The following ZNF559 variants were observed in gnomAD, a reference collection of about 807,000 sequenced individuals.
The protein encoded by ZNF559 is zinc finger protein 559.
In ZNF559, 17 loss-of-function variants were observed where a neutral mutation model predicts 14.2. The observed-to-expected ratio is 1.20, with a 90% CI of 0.82 to 1.80. The LOEUF is 1.80. Ranked by LOEUF, ZNF559 falls within the 40% of genes most tolerant of loss-of-function variation. ZNF559 has a pLI of 0.00. For synonymous variants in ZNF559, 244 were observed against 212.4 expected (o/e 1.15, Z -1.29); for missense variants, 740 against 629.7 (o/e 1.18, Z -1.88).
intron 5 of ZNF559, 25 bp from the exon 6 acceptor site, chr19:9,341,077 T>TA: frequency 1.3e-6 from 2 of 1,570,592 alleles, no homozygotes; most frequent in Non-Finnish European, 1.7e-6. Flanking sequence ...TCTAAGAACT[T>TA]AAAATTTTTT....
intron 2 of ZNF559, among the ~76,000 whole-genome samples, chr19:9,334,786 A>G (rs2067137045): frequency 6.6e-6 from 1 of 152,216 alleles, no homozygotes; most frequent in Non-Finnish European, 1.5e-5. Flanking sequence ...TTTAATGGGA[A>G]AAAAAGTAAA....
intron 2 of ZNF559, among the ~76,000 whole-genome samples, chr19:9,325,449 A>G (rs1683944718): frequency 6.6e-6 from 1 of 150,962 alleles, no homozygotes. Context: ...TTCAAAAAGA[A>G]GAAAAAAAAA....
intron 3 of ZNF559, 119 bp downstream of exon 3, chr19:9,337,977 T>G: frequency 1.3e-6 from 2 of 1,536,144 alleles, no homozygotes; most frequent in Non-Finnish European, 1.7e-6. Flanking sequence ...CATTTCACTG[T>G]TAGACTCACA....
upstream of ZNF559, chr19:9,324,091 C>G (rs558305763): frequency 3.5e-3 from 5,086 of 1,465,898 alleles, 21 homozygotes; most frequent in Non-Finnish European, 4.2e-3. Flanking sequence ...TGGAAAAAGC[C>G]GCAGCAGCTG....
rs533085137 is a variant in ZNF559, at chr19:9,341,913, A to G, written c.462A>G (p.Thr154=). Residue 154 remains threonine, a synonymous_variant, in exon 7 of 7, where the codon ACA becomes ACG. Coordinates refer to ENST00000603380, the MANE Select transcript of ZNF559 (RefSeq NM_032497.3). ...TTCCTAACTGTAATCAATGTGAAAC[A>G]GCCTTCAGCCAACATCTACATCTTG... is the stretch of plus-strand genomic sequence containing the variant. ...EELPNCNQCE[T]AFSQHLHLVC... 3.0e-5 allele frequency: 49 copies of G among 1,612,682 alleles called. No homozygotes were observed. Among genetic ancestry groups the G allele is most frequent in the Admixed American group, 3.0e-4 (18 of 59,696 alleles).
upstream of ZNF559, chr19:9,324,128 C>G: frequency 6.5e-7 from 1 of 1,531,076 alleles, no homozygotes; most frequent in Admixed American, 2.0e-5. Flanking sequence ...GAGGCCCCGC[C>G]CCCTAGGTGG....
chr19:9,343,879 G>C lies in ZNF559; in HGVS notation c.*811G>C. The C allele has an allele frequency of 1.1e-6, 1 of 889,040 alleles. No homozygotes were observed. Among genetic ancestry groups the C allele is most frequent in the Middle Eastern group, 5.8e-4 (1 of 1,734 alleles). 55.1% of individuals were successfully genotyped at this position (889,040 alleles called of 1,614,324 possible). A position where few individuals can be genotyped will look rare whatever the true frequency, so the allele number is the denominator to read the frequency against. ...GTTATCTCAATTGTTCACGGTTACA[G>C]ATGGAACTCTTTATTATTGAGGAGT... On this transcript the variant is annotated 3_prime_UTR_variant, in exon 7 of 7. Coordinates refer to ENST00000603380, the MANE Select transcript of ZNF559 (RefSeq NM_032497.3).
rs1193482028 is a variant in ZNF559 at position 9,339,286 on chromosome 19, A to G, written c.127A>G (p.Met43Val). ...QTQRNLYRDV[M>V]LENYKNLVAV... ...TCAGAGAAACTTATACAGAGATGTGATGCTGGAGAACTATAAGAATCTAGT... is the reference window on the plus strand; with the variant it reads ...TCAGAGAAACTTATACAGAGATGTGGTGCTGGAGAACTATAAGAATCTAGT... Residue 43 changes from methionine to valine, a missense_variant, in exon 5 of 7, where the codon ATG (methionine) becomes GTG (valine). Transcript: ENST00000603380. The G allele has an allele frequency of 2.5e-6, 4 of 1,613,856 alleles. No individual in the cohort carries two copies. The highest frequency in any genetic ancestry group is 3.3e-4 in the Middle Eastern group (2 of 6,062).
Position 9,342,259 on chromosome 19 carries a change from G to C in ZNF559, c.808G>C (p.Glu270Gln), listed in dbSNP as rs2067618622. Residue 270 changes from glutamate to glutamine, a missense_variant, in exon 7 of 7, where the codon GAA becomes CAA. Coordinates refer to ENST00000603380, the MANE Select transcript of ZNF559 (RefSeq NM_032497.3). ...AACTCATAGTAGAGTGTTACCTATA[G>C]AACATAAGAAATTTGGCAAAGCCTT... ...LRTHSRVLPI[E>Q]HKKFGKAFAF... is the part of the protein sequence containing the mutation. 1 of 1,584,374 alleles carries C rather than the reference G, an allele frequency of 6.3e-7. No homozygotes were observed. The highest frequency in any genetic ancestry group is 1.4e-5 in the African/African-American group (1 of 73,258).
intron 2 of ZNF559, among the ~76,000 whole-genome samples, chr19:9,325,868 T>C (rs929109236): frequency 1.3e-5 from 2 of 152,144 alleles, no homozygotes; most frequent in African/African-American, 2.4e-5. Flanking sequence ...ATATGTACTT[T>C]ATCATGAGCC....
At position 9,339,240 on chromosome 19, in the gene ZNF559, G is replaced by C. The variant is rs1374509589; in HGVS notation, c.81G>C (p.Glu27Asp). 2 of 1,613,912 alleles carry C rather than the reference G, an allele frequency of 1.2e-6. No homozygotes were observed. The highest frequency in any genetic ancestry group is 3.3e-5 in the Admixed American group (2 of 59,984). The change falls in exon 5 of 7, where the codon GAG becomes GAC. Residue 27 changes from glutamate (E) to aspartate (D), a missense_variant. Transcript: ENST00000603380. Reference protein sequence around the residue: ...EDVAVDFTQEEWTLLDQTQRN... With the variant: ...EDVAVDFTQEDWTLLDQTQRN... ...TGGCTGTGGACTTCACCCAGGAGGAGTGGACTTTGCTGGATCAAACTCAGA... is the reference window on the plus strand; with the variant it reads ...TGGCTGTGGACTTCACCCAGGAGGACTGGACTTTGCTGGATCAAACTCAGA...
intron 2 of ZNF559, among the ~76,000 whole-genome samples, chr19:9,336,210 A>C (rs556500274): frequency 6.6e-6 from 1 of 151,930 alleles, no homozygotes; most frequent in African/African-American, 2.4e-5. Context: ...ATACATTTAT[A>C]TGTGTGTGTG....
intron 2 of ZNF559, among the ~76,000 whole-genome samples, chr19:9,326,599 T>A (rs2066619577): frequency 6.6e-6 from 1 of 152,332 alleles, no homozygotes; most frequent in African/African-American, 2.4e-5. Context: ...ATGTAATTTT[T>A]AAAAATTTTA....
intron 4 of ZNF559, among the ~76,000 whole-genome samples, 153 bp from the exon 5 acceptor site, chr19:9,339,040 A>G (rs1599340702): frequency 6.6e-6 from 1 of 152,214 alleles, no homozygotes; most frequent in Admixed American, 6.5e-5. Context: ...TCACCGGTGA[A>G]TATGTACAGA....
intron 2 of ZNF559, among the ~76,000 whole-genome samples, chr19:9,332,200 T>G (rs2066970666): frequency 6.6e-6 from 1 of 152,174 alleles, no homozygotes; most frequent in Non-Finnish European, 1.5e-5. Context: ...TCAAATTCCT[T>G]TTCTGCATCT....
upstream of ZNF559, chr19:9,324,055 A>G (rs1184136866): frequency 4.2e-6 from 5 of 1,178,248 alleles, no homozygotes; most frequent in South Asian, 6.9e-5. Flanking sequence ...CGGGGAGGTA[A>G]ACAGCATTTC....
chr19:9,324,345 A>G lies in ZNF559; in HGVS notation c.-206+117A>G, dbSNP rs1303437485. 4 of 1,518,756 alleles carry G rather than the reference A, an allele frequency of 2.6e-6. No homozygotes were observed. In the African/African-American group the frequency reaches 5.5e-5, roughly 21 times the overall value. The allele number at this position is 1,518,756 out of a possible 1,614,324, so 94.1% of individuals were successfully genotyped here. On this transcript the variant is annotated intron_variant, in intron 1 of 6. Coordinates refer to ENST00000603380, the MANE Select transcript of ZNF559 (RefSeq NM_032497.3). ...GAGCCTGTCCCGTGCACTTTCGGGC[A>G]TTTCGAGCATCTTGTGGGCTCTCCC...
At position 9,345,708 on chromosome 19, in the gene ZNF559, C is replaced by T. The variant is rs934318719; in HGVS notation, c.*2640C>T. On this transcript the variant is annotated 3_prime_UTR_variant, in exon 7 of 7. Coordinates refer to ENST00000603380, the MANE Select transcript of ZNF559 (RefSeq NM_032497.3). ...TTACTCTGTCTCCCAGGCTGAAGTG[C>T]GTGGCACGATCATGTGGTTTTGCAA... is the stretch of plus-strand genomic sequence containing the variant. The T allele has an allele frequency of 3.6e-4, 54 of 150,898 alleles. 1 individual carries two copies. The highest frequency in any genetic ancestry group is 1.2e-3 in the African/African-American group (51 of 41,214). The allele number at this position is 150,898 out of a possible 1,614,324, so 9.3% of individuals were successfully genotyped here.
Position 9,343,550 on chromosome 19 carries a change from T to TA in ZNF559, c.*483dup, listed in dbSNP as rs1281559649. ...GTGATCTCACAAGTGTGAAAAATCT[T>TA]ATGAATGTAAAATGTGTGGAGATTC... On this transcript the variant is annotated 3_prime_UTR_variant, in exon 7 of 7. Transcript: ENST00000603380. The TA allele has an allele frequency of 3.0e-5, 30 of 992,492 alleles. No homozygotes were observed. The African/African-American group carries it at 4.7e-4, about 16-fold the overall frequency. The allele number at this position is 992,492 out of a possible 1,614,324, so 61.5% of individuals were successfully genotyped here.
Sources: gnomAD v4.1 joint callset for allele counts (sites outside exome capture counted in the v4.1 genomes callset) on GRCh38, gnomAD v4.1.1 for gene constraint, MANE v1.5 for transcripts, NCBI Gene and HGNC (gene_info 2026-07-23, HGNC 2026-07-21) for gene names.